The following PDE10A variants were observed in gnomAD, a reference collection of about 807,000 sequenced individuals.
The protein encoded by PDE10A is cAMP and cAMP-inhibited cGMP 3',5'-cyclic phosphodiesterase 10A.
Under a neutral mutation model 97.7 loss-of-function variants are expected in PDE10A, and 39 were observed. The ratio of observed to expected loss-of-function variants is 0.40; its 90% CI spans 0.31 to 0.52. The LOEUF (loss-of-function observed/expected upper bound fraction) is 0.52. PDE10A is among the 20% of genes least tolerant of loss of function. The pLI is 0.56. For synonymous variants in PDE10A, 371 were observed against 376.8 expected, an observed-to-expected ratio of 0.98 and a Z score of 0.18; for missense variants, 731 against 1,047.8, an observed-to-expected ratio of 0.70 and a Z score of 4.17.
At chr6:165,403,334 A>G (rs145147110) in intron 13 of PDE10A, among the ~76,000 whole-genome samples, 53 of 152,298 alleles carry the variant, frequency 3.5e-4, no homozygotes, top group Non-Finnish European at 5.1e-4. Flanking sequence ...CCAATTATGC[A>G]CATTTCTTCC....
chr6:165,555,366 TG>T (rs2128333256), intron 1 of PDE10A, among the ~76,000 whole-genome samples: 1 of 152,286 alleles, frequency 6.6e-6, no homozygotes, highest in East Asian at 1.9e-4. Context: ...TAAGCCTCAC[TG>T]TCCCCATAAA....
chr6:165,409,381 T>C (rs1404650868), intron 13 of PDE10A, among the ~76,000 whole-genome samples: 2 of 152,138 alleles, frequency 1.3e-5, no homozygotes, highest in South Asian at 2.1e-4. Flanking sequence ...ACCCCATCTC[T>C]ACTAAAAATA....
At chr6:165,810,540 G>C (rs909370024) in intron 1 of PDE10A, among the ~76,000 whole-genome samples, 1 of 152,038 alleles carries the variant, frequency 6.6e-6, no homozygotes, top group Non-Finnish European at 1.5e-5. Context: ...ATAGACCTAC[G>C]CCATGTGCCA....
At chr6:165,456,269 A>C (rs1333674562) in intron 3 of PDE10A, among the ~76,000 whole-genome samples, 1 of 152,194 alleles carries the variant, frequency 6.6e-6, no homozygotes, top group Non-Finnish European at 1.5e-5. Flanking sequence ...AACTTTGAAC[A>C]CCTAGATCCA....
chr6:165,686,261 A>T (rs1361093004), intron 1 of PDE10A, among the ~76,000 whole-genome samples: 5 of 152,052 alleles, frequency 3.3e-5, no homozygotes, highest in African/African-American at 1.2e-4. Flanking sequence ...ATGCATTCAG[A>T]GTCTCAACCT....
chr6:165,652,499 T>G (rs1036720320), intron 1 of PDE10A, among the ~76,000 whole-genome samples: 1 of 152,204 alleles, frequency 6.6e-6, no homozygotes, highest in African/African-American at 2.4e-5. Context: ...CAAGCCCTTT[T>G]GGATAACACT....
chr6:165,696,143 C>T (rs551257199), intron 1 of PDE10A, among the ~76,000 whole-genome samples: 1 of 152,228 alleles, frequency 6.6e-6, no homozygotes, highest in East Asian at 1.9e-4. Flanking sequence ...TAAAATAATC[C>T]AGCCAGTAAC....
chr6:165,720,225 G>A (rs1582989814), intron 1 of PDE10A, among the ~76,000 whole-genome samples: 1 of 152,118 alleles, frequency 6.6e-6, no homozygotes, highest in Non-Finnish European at 1.5e-5. Context: ...TTTGTTTTAT[G>A]CATTTCAGTA....
rs1789875251 is a variant in PDE10A at position 165,655,126 on chromosome 6, C to G, written c.865+6821G>C. ...ACTTCAGCCAGGCACTTACATTGCA[C>G]CCAGCTATGGTTGATTAACCAACTC... On this transcript the variant is annotated intron_variant, in intron 1 of 21. Coordinates refer to ENST00000539869, the MANE Select transcript of PDE10A (RefSeq NM_001385079.1). This position sits in a 1 kb window ranked among gnomAD's most constrained non-coding sequence, Gnocchi z 4.5. 6.6e-6 allele frequency among the ~76,000 whole-genome samples: 1 copy of G among 152,156 alleles called. No homozygotes were observed. The highest frequency in any genetic ancestry group is 1.5e-5 in the Non-Finnish European group (1 of 68,034).
At chr6:165,435,114 G>T in intron 6 of PDE10A, 123 bp downstream of exon 6, 2 of 943,862 alleles carry the variant, frequency 2.1e-6, no homozygotes, top group Non-Finnish European at 1.6e-6. Context: ...ATATTGATCT[G>T]TAACTAGCTT....
At chr6:165,357,718 A>G (rs1783118861) in intron 18 of PDE10A, among the ~76,000 whole-genome samples, 1 of 149,276 alleles carries the variant, frequency 6.7e-6, no homozygotes, top group African/African-American at 2.5e-5. Flanking sequence ...TTCACTGTCA[A>G]CATTGGCAAT....
Position 165,329,868 on chromosome 6 carries a change from G to T in PDE10A, c.*3157C>A, listed in dbSNP as rs1781244184. On this transcript the variant is annotated 3_prime_UTR_variant, in exon 22 of 22. Coordinates refer to ENST00000539869, the MANE Select transcript of PDE10A (RefSeq NM_001385079.1). ...ATATTTTGGTCTCTTTTGCAAGATG[G>T]GTTTTTCATACACCTCTTAGAGAGA... 6.6e-6 allele frequency: 1 copy of T among 152,142 alleles called. No individual in the cohort carries two copies. Among genetic ancestry groups the T allele is most frequent in the Non-Finnish European group, 1.5e-5 (1 of 68,024 alleles). 9.4% of individuals were successfully genotyped at this position (152,142 alleles called of 1,614,324 possible).
At chr6:165,356,242 T>C (rs1347222648) in intron 18 of PDE10A, among the ~76,000 whole-genome samples, 1 of 152,138 alleles carries the variant, frequency 6.6e-6, no homozygotes, top group Admixed American at 6.6e-5. Flanking sequence ...CAATATCACT[T>C]GCCAACAACT....
intron 1 of PDE10A, among the ~76,000 whole-genome samples, chr6:165,930,167 G>C (rs1254703663): frequency 6.6e-6 from 1 of 152,182 alleles, no homozygotes; most frequent in African/African-American, 2.4e-5. Context: ...CATGAGGGTG[G>C]CAGGTGGGAA....
At chr6:165,884,800 G>A (rs1781583545) in intron 1 of PDE10A, among the ~76,000 whole-genome samples, 2 of 152,192 alleles carry the variant, frequency 1.3e-5, no homozygotes, top group African/African-American at 2.4e-5. Context: ...ATTGAACACT[G>A]CAATGAGCGA....
At chr6:165,758,604 CAGAAGAAGCAGCAGAAGAAGA>C (rs944697684) in intron 1 of PDE10A, among the ~76,000 whole-genome samples, 2 of 146,106 alleles carry the variant, frequency 1.4e-5, no homozygotes, top group African/African-American at 5.1e-5. Flanking sequence ...GAGGCAGCAG[CAGAAGAAGCAGCAGAAGAAGA>C]GGAAGAAGAA....
intron 1 of PDE10A, among the ~76,000 whole-genome samples, chr6:165,828,398 G>T (rs2128470569): frequency 6.6e-6 from 1 of 152,350 alleles, no homozygotes; most frequent in South Asian, 2.1e-4. Flanking sequence ...AGCTAGGGGT[G>T]TTGGGACAGA....
chr6:165,436,213 T>G (rs1487111666), intron 5 of PDE10A, among the ~76,000 whole-genome samples: 2 of 152,306 alleles, frequency 1.3e-5, no homozygotes, highest in East Asian at 3.9e-4. Flanking sequence ...TTATGTTGGA[T>G]TACTCTAACA....
chr6:165,824,967 C>CT (rs1238278608), intron 1 of PDE10A, among the ~76,000 whole-genome samples: 1 of 33,580 alleles, frequency 3.0e-5, no homozygotes. Flanking sequence ...CCCGTCTCTA[C>CT]TAAAAAAAAA....
Sources: allele counts gnomAD v4.1 joint callset (sites outside exome capture counted in the v4.1 genomes callset), GRCh38; gene constraint gnomAD v4.1.1; non-coding constraint Gnocchi (gnomAD v3.1); transcripts MANE v1.5; gene names NCBI Gene and HGNC (gene_info 2026-07-23, HGNC 2026-07-21).